OSBPL10: variants seen among roughly 807,000 people sequenced by gnomAD.
OSBPL10 encodes the protein oxysterol binding protein like 10.
In OSBPL10, 49 loss-of-function variants were observed where a neutral mutation model predicts 81.7. The ratio of observed to expected loss-of-function variants is 0.60; its 90% CI spans 0.48 to 0.76. The LOEUF (loss-of-function observed/expected upper bound fraction) is 0.76. Among genes scored for constraint, OSBPL10 ranks in the 30% least tolerant of loss-of-function variants. OSBPL10 has a pLI of 0.00. For missense variants in OSBPL10, 923 were observed against 987.8 expected, an observed-to-expected ratio of 0.93 and a Z score of 0.88; for synonymous variants, 419 against 383.6, an observed-to-expected ratio of 1.09 and a Z score of -1.08.
At chr3:31,761,967 G>A (rs1277159574) in intron 4 of OSBPL10, among the ~76,000 whole-genome samples, 1 of 152,238 alleles carries the variant, frequency 6.6e-6, no homozygotes, top group South Asian at 2.1e-4. Context: ...AGCAAAGGGA[G>A]GGCAGTGCTA....
intron 4 of OSBPL10, among the ~76,000 whole-genome samples, chr3:31,787,671 C>T (rs1008534316): frequency 6.6e-6 from 1 of 151,856 alleles, no homozygotes; most frequent in African/African-American, 2.4e-5. Context: ...GGTTCAGCCA[C>T]ACCAACCCTG....
chr3:31,940,861 A>G (rs1240404869), intron 1 of OSBPL10, among the ~76,000 whole-genome samples: 1 of 152,028 alleles, frequency 6.6e-6, no homozygotes, highest in African/African-American at 2.4e-5. Context: ...GTTGGTCTCA[A>G]ACTCCTGACC....
At chr3:31,929,029 C>T (rs1697161425) in intron 1 of OSBPL10, among the ~76,000 whole-genome samples, 1 of 152,122 alleles carries the variant, frequency 6.6e-6, no homozygotes, top group Non-Finnish European at 1.5e-5. Context: ...TCCTTCACAC[C>T]AGCTAGAATT....
chr3:31,978,967 G>C (rs1203918601), intron 1 of OSBPL10, among the ~76,000 whole-genome samples: 1 of 152,080 alleles, frequency 6.6e-6, no homozygotes, highest in African/African-American at 2.4e-5. Context: ...AGACTGCAAG[G>C]TAAAATATTG....
intron 3 of OSBPL10, among the ~76,000 whole-genome samples, chr3:31,875,082 TAAAAAAA>T (rs555527834): frequency 2.9e-5 from 3 of 103,062 alleles, no homozygotes; most frequent in East Asian, 2.5e-4. Context: ...ATATATTAAG[TAAAAAAA>T]AAAAAAAAAA....
chr3:31,708,118 T>C (rs1179721186), intron 6 of OSBPL10, among the ~76,000 whole-genome samples: 1 of 152,162 alleles, frequency 6.6e-6, no homozygotes, highest in Non-Finnish European at 1.5e-5. Context: ...TTTTATTAAA[T>C]TAGAGACAGG....
intron 2 of OSBPL10, among the ~76,000 whole-genome samples, chr3:32,015,988 A>G (rs1387890162): frequency 1.3e-5 from 2 of 152,278 alleles, no homozygotes; most frequent in East Asian, 3.9e-4. Flanking sequence ...ACACTTTTAC[A>G]CTGTTGGTGG....
At chr3:31,779,574 G>A (rs2198759) in intron 4 of OSBPL10, among the ~76,000 whole-genome samples, 108,574 of 152,104 alleles carry the variant, frequency 0.71, 38,841 homozygotes, top group East Asian at 0.81. Context: ...ATTACTAGGC[G>A]TAAGAAATTA....
At chr3:31,815,308 C>T (rs934571659) in intron 4 of OSBPL10, among the ~76,000 whole-genome samples, 5 of 152,192 alleles carry the variant, frequency 3.3e-5, no homozygotes, top group Non-Finnish European at 7.3e-5. Context: ...CCAGACCAAA[C>T]TGCTGATTCG....
At chr3:32,011,779 G>A (rs528687360) in intron 2 of OSBPL10, among the ~76,000 whole-genome samples, 4 of 152,284 alleles carry the variant, frequency 2.6e-5, no homozygotes, top group African/African-American at 7.2e-5. Context: ...ACCATGGCAC[G>A]AGAACTACGT....
At chr3:31,859,389 C>T (rs887828112) in intron 3 of OSBPL10, among the ~76,000 whole-genome samples, 1 of 152,232 alleles carries the variant, frequency 6.6e-6, no homozygotes, top group Admixed American at 6.5e-5. Context: ...TTATACCTCA[C>T]CCTACATATC....
intron 4 of OSBPL10, among the ~76,000 whole-genome samples, chr3:31,809,240 T>C (rs1001293324): frequency 2.0e-5 from 3 of 152,190 alleles, no homozygotes; most frequent in African/African-American, 7.2e-5. Flanking sequence ...AAAGAATATA[T>C]TTAGATTTGG....
chr3:32,046,784 G>A (rs898201552), intron 1 of OSBPL10, among the ~76,000 whole-genome samples: 2 of 152,056 alleles, frequency 1.3e-5, no homozygotes, highest in East Asian at 3.9e-4. Flanking sequence ...AGAATCTAAT[G>A]GAATAGCTAC....
chr3:31,992,837 T>C (rs944389644), intron 2 of OSBPL10, among the ~76,000 whole-genome samples: 1 of 152,080 alleles, frequency 6.6e-6, no homozygotes, highest in Non-Finnish European at 1.5e-5. Context: ...GTCCAGAAAG[T>C]TTTTTAAATA....
chr3:31,710,142 C>A (rs1464500879), intron 6 of OSBPL10, among the ~76,000 whole-genome samples: 1 of 152,146 alleles, frequency 6.6e-6, no homozygotes, highest in Non-Finnish European at 1.5e-5. Flanking sequence ...GGAGATAAAT[C>A]CTAAAGACGC....
At chr3:31,771,258 T>C (rs776283196) in intron 4 of OSBPL10, among the ~76,000 whole-genome samples, 2 of 152,224 alleles carry the variant, frequency 1.3e-5, no homozygotes, top group Non-Finnish European at 2.9e-5. Context: ...ATAAATGTTA[T>C]CACAGATACA....
intron 4 of OSBPL10, among the ~76,000 whole-genome samples, chr3:31,762,629 C>CCTTTTTTTTTTTTTT (rs1491572896): frequency 4.1e-4 from 7 of 17,232 alleles, no homozygotes; most frequent in African/African-American, 8.3e-4. Context: ...CCATGCCCAG[C>CCTTTTTTTTTTTTTT]ATTTTTTTTT....
chr3:32,004,502 A>G (rs1699183696), intron 2 of OSBPL10, among the ~76,000 whole-genome samples: 1 of 152,266 alleles, frequency 6.6e-6, no homozygotes. Flanking sequence ...GACAAAAAAC[A>G]GTACTTGCTT....
intron 1 of OSBPL10, among the ~76,000 whole-genome samples, chr3:31,888,779 C>G (rs1351304623): frequency 2.0e-5 from 3 of 152,038 alleles, no homozygotes; most frequent in East Asian, 3.9e-4. Flanking sequence ...AAAAAATTAG[C>G]CAGGCCTGGT....
Sources: allele counts gnomAD v4.1 joint callset (sites outside exome capture counted in the v4.1 genomes callset), GRCh38; gene constraint gnomAD v4.1.1; transcripts MANE v1.5; gene names NCBI Gene and HGNC (gene_info 2026-07-23, HGNC 2026-07-21).